The following KAZN variants were observed in gnomAD, a reference collection of about 807,000 sequenced individuals.
KAZN encodes the protein kazrin.
In KAZN, 40 loss-of-function variants were observed where a neutral mutation model predicts 87.4. The observed-to-expected ratio is 0.46, with a 90% CI of 0.36 to 0.60. The LOEUF is 0.60. Among genes scored for constraint, KAZN ranks in the 20% least tolerant of loss-of-function variants. The probability of loss-of-function intolerance (pLI) is 0.00; values close to 1 mark genes in which losing one functional copy is unlikely to be tolerated. For synonymous variants in KAZN, 466 were observed against 458.3 expected (o/e 1.02, Z -0.22); for missense variants, 898 against 1,073.9 (o/e 0.84, Z 2.29).
At chr1:14,358,841 C>T (rs1046817875) in intron 2 of KAZN, among the ~76,000 whole-genome samples, 2 of 151,988 alleles carry the variant, frequency 1.3e-5, no homozygotes, top group Admixed American at 6.6e-5. Context: ...GTTTTACTTC[C>T]AATTATGTGG....
At chr1:14,464,008 A>C (rs4661288) in intron 2 of KAZN, among the ~76,000 whole-genome samples, 2 of 152,264 alleles carry the variant, frequency 1.3e-5, no homozygotes, top group Non-Finnish European at 2.9e-5. Context: ...CCTAAGGAAC[A>C]CTAGGAAGAC....
intron 1 of KAZN, among the ~76,000 whole-genome samples, chr1:14,833,486 G>T (rs1200081994): frequency 6.6e-6 from 1 of 152,172 alleles, no homozygotes; most frequent in Non-Finnish European, 1.5e-5. Flanking sequence ...CACCACAAGG[G>T]TTCAATCCTG....
In KAZN at chr1:15,066,460, G is replaced by C. The variant is rs537011609; in HGVS notation, c.1222+707G>C. On this transcript the variant is annotated intron_variant, in intron 8 of 14. Transcript: ENST00000376030. This position sits in a 1 kb window ranked among gnomAD's most constrained non-coding sequence, Gnocchi z 4.3. The stretch of plus-strand genomic sequence containing the variant: ...TGCTCTCTACAAAGACTCGCGAGCC[G>C]GGCCAAGGGGCCTTGTCTTGGCTGG... The C allele has an allele frequency of 5.1e-4, 506 of 985,358 alleles. No individual in the cohort carries two copies. Among genetic ancestry groups the C allele is most frequent in the Non-Finnish European group, 5.9e-4 (491 of 829,936 alleles). The allele number at this position is 985,358 out of a possible 1,614,324, so 61.0% of individuals were successfully genotyped here.
intron 1 of KAZN, among the ~76,000 whole-genome samples, chr1:14,600,989 A>G (rs1676925635): frequency 6.6e-6 from 1 of 152,200 alleles, no homozygotes; most frequent in Admixed American, 6.5e-5. Context: ...GTTGTAGTGG[A>G]GCAACAGGGG....
rs1040304393 is a variant in KAZN at position 14,457,347 on chromosome 1, C to G, written c.250-141636C>G. Among the ~76,000 whole-genome samples, 6 of 152,118 alleles carry G rather than the reference C, an allele frequency of 3.9e-5. No homozygotes were observed. The South Asian group carries it at 8.3e-4, about 21-fold the overall frequency. The stretch of plus-strand genomic sequence containing the variant: ...CTAAAATACCTGTTCGTTCCTTTCC[C>G]AATTTCTCTACCAGGGTTGCCTGTT... On this transcript the variant is annotated intron_variant, in intron 2 of 16. Transcript: ENST00000636203.
At chr1:14,142,494 A>G (rs1261255847) in intron 1 of KAZN, among the ~76,000 whole-genome samples, 1 of 152,208 alleles carries the variant, frequency 6.6e-6, no homozygotes, top group East Asian at 1.9e-4. Flanking sequence ...AAGATGTACA[A>G]AATACACACT....
intron 2 of KAZN, among the ~76,000 whole-genome samples, chr1:14,388,324 C>T (rs1161065343): frequency 6.6e-6 from 1 of 152,202 alleles, no homozygotes; most frequent in African/African-American, 2.4e-5. Flanking sequence ...TCTATTCAGA[C>T]ATCTTGGCTC....
intron 2 of KAZN, among the ~76,000 whole-genome samples, chr1:14,434,097 C>T (rs989842822): frequency 6.6e-6 from 1 of 152,138 alleles, no homozygotes; most frequent in South Asian, 2.1e-4. Context: ...TTGTGGCTGC[C>T]CAAATAGATG....
At position 14,296,629 on chromosome 1, in the gene KAZN, CTTTT is replaced by C. The variant is rs775666706; in HGVS notation, c.249+116058_249+116061del. Among the ~76,000 whole-genome samples the C allele has an allele frequency of 2.8e-3, 230 of 82,764 alleles. 1 individual carries two copies. Among genetic ancestry groups the C allele is most frequent in the African/African-American group, 0.011 (222 of 20,518 alleles). The allele number at this position is 82,764 out of a possible 152,430, so 54.3% of individuals were successfully genotyped here. ...AATGTAGGGCTGAGTTTTTGTATTT[CTTTT>C]TTTTTTTTTTTTTTTTTTTTGAGAC... On this transcript the variant is annotated intron_variant, in intron 2 of 16. Coordinates refer to the KAZN transcript ENST00000636203.
chr1:14,926,370 G>A (rs1050058620), intron 1 of KAZN, among the ~76,000 whole-genome samples: 2 of 152,140 alleles, frequency 1.3e-5, no homozygotes, highest in African/African-American at 2.4e-5. Context: ...CTAATGACAC[G>A]GTATAGCCCA....
At chr1:15,031,197 C>T (rs1163728263) in intron 2 of KAZN, among the ~76,000 whole-genome samples, 3 of 152,194 alleles carry the variant, frequency 2.0e-5, no homozygotes, top group Non-Finnish European at 2.9e-5. Flanking sequence ...AACATAGGGT[C>T]GGGTGTCGAC....
chr1:14,639,276 G>A (rs953808099), intron 1 of KAZN, among the ~76,000 whole-genome samples: 2 of 152,154 alleles, frequency 1.3e-5, no homozygotes, highest in Non-Finnish European at 1.5e-5. Context: ...CTTGAACAGG[G>A]CAGGGAAATC....
chr1:14,841,783 C>T (rs1248906013), intron 1 of KAZN, among the ~76,000 whole-genome samples: 1 of 152,176 alleles, frequency 6.6e-6, no homozygotes, highest in African/African-American at 2.4e-5. Flanking sequence ...TCAAGGCCTC[C>T]CTGGGAATGA....
intron 1 of KAZN, among the ~76,000 whole-genome samples, chr1:14,891,412 T>C (rs528832286): frequency 6.6e-6 from 1 of 152,320 alleles, no homozygotes; most frequent in Admixed American, 6.5e-5. Context: ...ATACAATGTT[T>C]GGGTTTCCAT....
In KAZN at chr1:14,877,770, C is replaced by T. The variant is rs181146894; in HGVS notation, c.227-82914C>T. ...GTGAATATGTGCAATCTGCTTAGAACGGTACAGTGCTTGATAGTTATGGAA... is the reference window on the plus strand; with the variant it reads ...GTGAATATGTGCAATCTGCTTAGAATGGTACAGTGCTTGATAGTTATGGAA... On this transcript the variant is annotated intron_variant, in intron 1 of 14. Transcript: ENST00000376030. Among the ~76,000 whole-genome samples the T allele has an allele frequency of 3.0e-3, 458 of 152,298 alleles. 5 individuals carry two copies. The highest frequency in any genetic ancestry group is 0.01 in the African/African-American group (434 of 41,556).
chr1:14,218,164 A>T (rs532964434), intron 2 of KAZN, among the ~76,000 whole-genome samples: 1 of 152,268 alleles, frequency 6.6e-6, no homozygotes, highest in African/African-American at 2.4e-5. Flanking sequence ...ATGGGCAATT[A>T]TGTGATTTTC....
chr1:14,324,021 T>C (rs1248101545), intron 2 of KAZN, among the ~76,000 whole-genome samples: 1 of 152,198 alleles, frequency 6.6e-6, no homozygotes, highest in African/African-American at 2.4e-5. Flanking sequence ...TATCTCATAC[T>C]TACAATGCCT....
chr1:14,535,671 A>AAAAAT (rs1213945596), intron 2 of KAZN, among the ~76,000 whole-genome samples: 1 of 151,892 alleles, frequency 6.6e-6, no homozygotes, highest in Non-Finnish European at 1.5e-5. Context: ...TCTCAAAAAA[A>AAAAAT]AAAAATAAAA....
chr1:14,813,703 C>T (rs555324285), intron 1 of KAZN, among the ~76,000 whole-genome samples: 3 of 152,224 alleles, frequency 2.0e-5, no homozygotes, highest in Non-Finnish European at 4.4e-5. Flanking sequence ...GGGAAGTTGT[C>T]AGCATCAAAT....
Sources: allele counts gnomAD v4.1 joint callset (sites outside exome capture counted in the v4.1 genomes callset), GRCh38; gene constraint gnomAD v4.1.1; non-coding constraint Gnocchi (gnomAD v3.1); transcripts MANE v1.5; gene names NCBI Gene and HGNC (gene_info 2026-07-23, HGNC 2026-07-21).